The following CLSTN1 variants were observed in gnomAD, a reference collection of about 807,000 sequenced individuals.
The protein encoded by CLSTN1 is calsyntenin-1.
A neutral mutation model predicts 108.3 loss-of-function variants in CLSTN1; 28 were observed. The ratio of observed to expected loss-of-function variants is 0.26; its 90% CI spans 0.19 to 0.35. The LOEUF (loss-of-function observed/expected upper bound fraction) is 0.35. Ranked by LOEUF, CLSTN1 falls within the 10% of genes least tolerant of loss-of-function variation. The probability of loss-of-function intolerance (pLI) is 1.00; values close to 1 mark genes in which losing one functional copy is unlikely to be tolerated. For synonymous variants in CLSTN1, 524 were observed against 534.9 expected (o/e 0.98, Z 0.28); for missense variants, 1,157 against 1,302.6 (o/e 0.89, Z 1.72).
At chr1:9,801,931 A>T (rs1654289651) in intron 1 of CLSTN1, among the ~76,000 whole-genome samples, 1 of 152,224 alleles carries the variant, frequency 6.6e-6, no homozygotes, top group African/African-American at 2.4e-5. Context: ...TCATGAACAC[A>T]GATGCAAAAA....
intron 1 of CLSTN1, among the ~76,000 whole-genome samples, chr1:9,816,101 T>G (rs947961326): frequency 6.6e-6 from 1 of 152,132 alleles, no homozygotes; most frequent in African/African-American, 2.4e-5. Flanking sequence ...AAAGTGGAAA[T>G]AACCCAAATG....
intron 1 of CLSTN1, chr1:9,781,166 G>A (rs1653224220): frequency 2.5e-6 from 2 of 787,034 alleles, no homozygotes; most frequent in Non-Finnish European, 4.6e-6. Flanking sequence ...TAACCCAGAA[G>A]CTTTATCATC....
rs1348236744 is a variant in CLSTN1 at position 9,732,081 on chromosome 1, A to G, written c.2428-185T>C. 3.3e-5 allele frequency among the ~76,000 whole-genome samples: 5 copies of G among 152,236 alleles called. No individual in the cohort carries two copies. The South Asian group carries it at 1.0e-3, about 32-fold the overall frequency. ...ATCAAGAGTAAGCACTTAAAAAACA[A>G]AAACAAAGAAAAAGAAACAAAAACC... On this transcript the variant is annotated intron_variant, in intron 16 of 18. Transcript: ENST00000377298.
intron 1 of CLSTN1, among the ~76,000 whole-genome samples, chr1:9,791,838 A>T (rs1653784797): frequency 6.6e-6 from 1 of 150,994 alleles, no homozygotes; most frequent in Non-Finnish European, 1.5e-5. Flanking sequence ...GCGGCCCCAA[A>T]TCCTTTTTAG....
At chr1:9,798,549 G>A (rs1363031051) in intron 1 of CLSTN1, among the ~76,000 whole-genome samples, 2 of 152,190 alleles carry the variant, frequency 1.3e-5, no homozygotes, top group Non-Finnish European at 2.9e-5. Context: ...TAAATCCATA[G>A]AGACAGAAAG....
At chr1:9,740,645 GC>G (rs1557693119) in intron 10 of CLSTN1, among the ~76,000 whole-genome samples, 1 of 152,100 alleles carries the variant, frequency 6.6e-6, no homozygotes. Flanking sequence ...CAGAGCCCTC[GC>G]AGCCCTCCTA....
Position 9,751,606 on chromosome 1 carries a change from C to T in CLSTN1, c.516G>A (p.Thr172=), listed in dbSNP as rs763665400. 8 of 1,614,042 alleles carry T rather than the reference C, an allele frequency of 5.0e-6. No individual in the cohort carries two copies. The highest frequency in any genetic ancestry group is 3.3e-5 in the Admixed American group (2 of 59,994). The part of the protein sequence containing the change: ...PVFKEKSYKA[T]VIEGKQYDSI... The stretch of plus-strand genomic sequence containing the variant: ...TGTCGTACTGCTTCCCCTCGATGAC[C>T]GTGGCTTTGTAGGACTTCTCCTTGA... The change falls in exon 5 of 19, where the codon ACG becomes ACA. Residue 172 remains threonine, a synonymous_variant. Coordinates refer to ENST00000377298, the MANE Select transcript of CLSTN1 (RefSeq NM_001009566.3).
At chr1:9,741,710 G>C (rs1352137709) in intron 9 of CLSTN1, among the ~76,000 whole-genome samples, 1 of 152,222 alleles carries the variant, frequency 6.6e-6, no homozygotes, top group Non-Finnish European at 1.5e-5. Flanking sequence ...TCAAGAGTTT[G>C]AGACCAGCCT....
rs573698901 is a variant in CLSTN1, at chr1:9,823,118, G to T, written c.91+525C>A. ...GTCCGCGGTGCAGCAACACAGAATCGGGATCTTGGAAACGGGATGCGGAGG... is the reference window on the plus strand; with the variant it reads ...GTCCGCGGTGCAGCAACACAGAATCTGGATCTTGGAAACGGGATGCGGAGG... On this transcript the variant is annotated intron_variant, in intron 1 of 18. Coordinates refer to ENST00000377298, the MANE Select transcript of CLSTN1 (RefSeq NM_001009566.3). This position sits in a 1 kb window ranked among gnomAD's most constrained non-coding sequence, Gnocchi z 6.3. Among the ~76,000 whole-genome samples the T allele has an allele frequency of 5.9e-5, 9 of 152,170 alleles. No individual in the cohort carries two copies. Among genetic ancestry groups the T allele is most frequent in the Non-Finnish European group, 1.2e-4 (8 of 68,038 alleles).
At chr1:9,773,023 C>T (rs2101160800) in intron 2 of CLSTN1, among the ~76,000 whole-genome samples, 1 of 152,136 alleles carries the variant, frequency 6.6e-6, no homozygotes, top group African/African-American at 2.4e-5. Context: ...AGTTATCTGG[C>T]TACATTAAGA....
At chr1:9,755,030 G>A in intron 4 of CLSTN1, 84 bp downstream of exon 4, 1 of 1,125,000 alleles carries the variant, frequency 8.9e-7, no homozygotes, top group South Asian at 1.5e-5. Flanking sequence ...GTCTTGGGGA[G>A]CAGGCAATAG....
intron 2 of CLSTN1, among the ~76,000 whole-genome samples, chr1:9,772,436 G>A (rs1173384852): frequency 1.3e-5 from 2 of 152,054 alleles, no homozygotes; most frequent in Non-Finnish European, 2.9e-5. Context: ...GCCTCCCACA[G>A]TGCTGAGATT....
At chr1:9,788,490 C>A (rs1281505979) in intron 1 of CLSTN1, among the ~76,000 whole-genome samples, 1 of 151,174 alleles carries the variant, frequency 6.6e-6, no homozygotes, top group East Asian at 2.0e-4. Context: ...ATCGCTTGAA[C>A]CCAGGAGGCG....
chr1:9,790,189 A>G lies in CLSTN1; in HGVS notation c.92-16795T>C, dbSNP rs552161646. 8.5e-4 allele frequency among the ~76,000 whole-genome samples: 128 copies of G among 151,456 alleles called. 13 individuals carry two copies. In the South Asian group the frequency reaches 0.027, roughly 32 times the overall value. The stretch of plus-strand genomic sequence containing the variant: ...TCCGCTATGAAAGAAAAATGAAAGC[A>G]CTGATAACCTTGAACAGTAATGCTT... On this transcript the variant is annotated intron_variant, in intron 1 of 18. Coordinates refer to ENST00000377298, the MANE Select transcript of CLSTN1 (RefSeq NM_001009566.3).
At chr1:9,801,641 G>A (rs1472505326) in intron 1 of CLSTN1, among the ~76,000 whole-genome samples, 4 of 152,100 alleles carry the variant, frequency 2.6e-5, no homozygotes, top group Non-Finnish European at 5.9e-5. Context: ...TGCAACCTCT[G>A]CCTTCTGGGT....
At chr1:9,731,054 G>A (rs373050231) in intron 18 of CLSTN1, 152 bp downstream of exon 18, 14 of 878,054 alleles carry the variant, frequency 1.6e-5, no homozygotes, top group African/African-American at 1.2e-4. Context: ...TCTCAGCCTC[G>A]GTTTACCCAC....
intron 1 of CLSTN1, among the ~76,000 whole-genome samples, chr1:9,812,804 C>T (rs577906108): frequency 1.4e-4 from 21 of 148,162 alleles, no homozygotes; most frequent in African/African-American, 5.3e-4. Context: ...GCTGAGATCA[C>T]GCCATTGCAT....
At chr1:9,744,315 G>A in intron 8 of CLSTN1, 80 bp downstream of exon 8, 1 of 1,521,574 alleles carries the variant, frequency 6.6e-7, no homozygotes, top group South Asian at 1.3e-5. Context: ...GGGACCCTGG[G>A]AAAGGAGAGG....
At chr1:9,768,152 T>G (rs771260576) in intron 2 of CLSTN1, among the ~76,000 whole-genome samples, 10 of 152,124 alleles carry the variant, frequency 6.6e-5, no homozygotes, top group Admixed American at 2.0e-4. Context: ...GTTCCTGACC[T>G]CCCTTGCTCA....
Sources: gnomAD v4.1 joint callset for allele counts (sites outside exome capture counted in the v4.1 genomes callset) on GRCh38, gnomAD v4.1.1 for gene constraint, Gnocchi (gnomAD v3.1) non-coding constraint, MANE v1.5 for transcripts, NCBI Gene and HGNC (gene_info 2026-07-23, HGNC 2026-07-21) for gene names.